SLC22A25: variants seen among roughly 807,000 people sequenced by gnomAD.
SLC22A25 encodes solute carrier family 22 member 25, also known as MGI:2442751, MGI:2385316, MGI:3042283, MGI:3645714, MGI:3605624, MGI:2442750.
A neutral mutation model predicts 45.9 loss-of-function variants in SLC22A25; 44 were observed. That is an observed-to-expected ratio of 0.96 (90% CI 0.75 to 1.23). The LOEUF is 1.23. SLC22A25 is among the 50% of genes most tolerant of loss of function. SLC22A25 has a pLI of 0.00. For missense variants in SLC22A25, 800 were observed against 666.4 expected, an observed-to-expected ratio of 1.20 and a Z score of -2.21; for synonymous variants, 283 against 238.6, an observed-to-expected ratio of 1.19 and a Z score of -1.72.
In SLC22A25 at chr11:63,159,872, A is replaced by C. The variant is rs2087520121; in HGVS notation, c.*3952T>G. The stretch of plus-strand genomic sequence containing the variant: ...GAAGAACTTGTTGGTAACTGGAGTA[A>C]AGGTGACTCTTGCTATATTTTAGTA... On this transcript the variant is annotated 3_prime_UTR_variant, in exon 12 of 12. Transcript: ENST00000306494. Among the ~76,000 whole-genome samples the C allele has an allele frequency of 6.6e-6, 1 of 152,212 alleles. No homozygotes were observed. The highest frequency in any genetic ancestry group is 2.4e-5 in the African/African-American group (1 of 41,466).
chr11:63,243,360 C>T (rs936699172), intron 1 of SLC22A25, 74 bp downstream of exon 1: 6 of 606,182 alleles, frequency 9.9e-6, no homozygotes, highest in African/African-American at 1.8e-5. Context: ...CTCTCAGCCA[C>T]CTGTTAACTA....
At position 63,169,352 on chromosome 11, in the gene SLC22A25, C is replaced by T. The variant is rs147535593; in HGVS notation, c.1071-3094G>A. 3.1e-3 allele frequency among the ~76,000 whole-genome samples: 467 copies of T among 152,200 alleles called. 2 individuals are homozygous for T. The highest frequency in any genetic ancestry group is 0.011 in the African/African-American group (446 of 41,532). On this transcript the variant is annotated intron_variant, in intron 9 of 11. Coordinates refer to ENST00000306494, the MANE Select transcript of SLC22A25 (RefSeq NM_199352.6). ...TTAAATGTAAATGGGCTAAATGCCC[C>T]AATTAAAAGACACAGACTGGCAAAT...
intron 3 of SLC22A25, among the ~76,000 whole-genome samples, chr11:63,236,559 G>A (rs187221722): frequency 3.3e-5 from 5 of 152,234 alleles, no homozygotes; most frequent in East Asian, 1.9e-4. Context: ...TCTTTGACTA[G>A]GAAAGGGAAT....
At chr11:63,186,207 T>G (rs1327089926) in intron 7 of SLC22A25, among the ~76,000 whole-genome samples, 3 of 126,384 alleles carry the variant, frequency 2.4e-5, no homozygotes, top group Non-Finnish European at 5.1e-5. Context: ...CAGCACCTGT[T>G]GTTTCCTGAC....
chr11:63,202,659 C>A (rs561152683), intron 7 of SLC22A25, among the ~76,000 whole-genome samples: 2 of 152,178 alleles, frequency 1.3e-5, no homozygotes, highest in Non-Finnish European at 2.9e-5. Context: ...GCCCCAGTCA[C>A]GGGCTTATAG....
At chr11:63,219,151 A>C (rs1010254975) in intron 5 of SLC22A25, among the ~76,000 whole-genome samples, 6 of 152,224 alleles carry the variant, frequency 3.9e-5, no homozygotes, top group Non-Finnish European at 5.9e-5. Context: ...TAAGTTAATT[A>C]GAATAAATTT....
chr11:63,236,769 G>A (rs1315157162), intron 3 of SLC22A25, among the ~76,000 whole-genome samples: 1 of 152,154 alleles, frequency 6.6e-6, no homozygotes, highest in East Asian at 1.9e-4. Context: ...GCTGTAGACT[G>A]GAGCTGTTTC....
intron 7 of SLC22A25, among the ~76,000 whole-genome samples, chr11:63,185,631 G>A (rs934273401): frequency 2.7e-5 from 4 of 147,190 alleles, no homozygotes; most frequent in African/African-American, 1.0e-4. Context: ...CCATGCTGGT[G>A]CGCTGCACCC....
chr11:63,199,767 C>T (rs2089179076), intron 7 of SLC22A25, among the ~76,000 whole-genome samples: 1 of 152,034 alleles, frequency 6.6e-6, no homozygotes, highest in South Asian at 2.1e-4. Context: ...CCTAAAAAAA[C>T]ACCTGAAGCC....
chr11:63,176,694 A>T (rs977166212), intron 9 of SLC22A25, among the ~76,000 whole-genome samples: 1 of 151,942 alleles, frequency 6.6e-6, no homozygotes. Flanking sequence ...GATGCTTTTA[A>T]TCTGTTTTTC....
chr11:63,238,171 A>G (rs2090193965), intron 2 of SLC22A25, among the ~76,000 whole-genome samples, 159 bp from the exon 3 acceptor site: 1 of 152,142 alleles, frequency 6.6e-6, no homozygotes, highest in African/African-American at 2.4e-5. Flanking sequence ...GACCTTTATC[A>G]TTCAGGTCTC....
intron 7 of SLC22A25, among the ~76,000 whole-genome samples, chr11:63,198,531 G>T (rs2089134286): frequency 6.6e-6 from 1 of 152,098 alleles, no homozygotes; most frequent in South Asian, 2.1e-4. Context: ...GAGAACACTT[G>T]GACACAGAGT....
intron 7 of SLC22A25, among the ~76,000 whole-genome samples, chr11:63,186,836 T>C (rs900404268): frequency 5.3e-5 from 8 of 152,306 alleles, no homozygotes; most frequent in Middle Eastern, 3.4e-3. Context: ...GTCAGGTTTG[T>C]CAAAGATCAG....
rs945925124 is a variant in SLC22A25 at position 63,162,568 on chromosome 11, A to G, written c.*1256T>C. Among the ~76,000 whole-genome samples, 1 of 152,104 alleles carries G rather than the reference A, an allele frequency of 6.6e-6. No homozygotes were observed. The highest frequency in any genetic ancestry group is 2.4e-5 in the African/African-American group (1 of 41,440). On this transcript the variant is annotated 3_prime_UTR_variant, in exon 12 of 12. Coordinates refer to ENST00000306494, the MANE Select transcript of SLC22A25 (RefSeq NM_199352.6). ...TTTTTCCACTTTTTTCATTTTTTACATTGTAATTATTTAAGCAATTACTCT... is the reference window on the plus strand; with the variant it reads ...TTTTTCCACTTTTTTCATTTTTTACGTTGTAATTATTTAAGCAATTACTCT...
Position 63,164,073 on chromosome 11 carries a change from C to T in SLC22A25, c.1395G>A (p.Arg465=), listed in dbSNP as rs903338558. ...TTCCAGTGATTCCAGTAGCTCTTCC[C>T]CTTGGAGTAAAAACAGCAACAGAGG... is the stretch of plus-strand genomic sequence containing the variant. The part of the protein sequence containing the change: ...QENELIPSII[R]GRATGITGNF... Residue 465 remains arginine (R), a splice_region_variant and synonymous_variant, in exon 12 of 12, where the codon AGG becomes AGA. Coordinates refer to ENST00000306494, the MANE Select transcript of SLC22A25 (RefSeq NM_199352.6). 3 of 1,572,402 alleles carry T rather than the reference C, an allele frequency of 1.9e-6. No individual in the cohort carries two copies. Among genetic ancestry groups the T allele is most frequent in the Non-Finnish European group, 2.6e-6 (3 of 1,161,924 alleles).
chr11:63,231,997 T>C (rs565518053), intron 3 of SLC22A25, among the ~76,000 whole-genome samples: 1 of 152,352 alleles, frequency 6.6e-6, no homozygotes, highest in South Asian at 2.1e-4. Context: ...TCTATATCTC[T>C]GTTTTGGTAC....
At chr11:63,202,618 T>C (rs549019846) in intron 7 of SLC22A25, among the ~76,000 whole-genome samples, 1 of 152,340 alleles carries the variant, frequency 6.6e-6, no homozygotes, top group Admixed American at 6.5e-5. Flanking sequence ...TCCTTCTCTC[T>C]GGGCAGGGCA....
At chr11:63,220,098 C>T in intron 5 of SLC22A25, 1 of 967,072 alleles carries the variant, frequency 1.0e-6, no homozygotes, top group Non-Finnish European at 1.4e-6. Context: ...CAATATTGTC[C>T]TTAGATTACT....
chr11:63,203,015 AG>A (rs1167330956), intron 7 of SLC22A25, among the ~76,000 whole-genome samples: 1 of 152,226 alleles, frequency 6.6e-6, no homozygotes, highest in African/African-American at 2.4e-5. Context: ...CCAGGGAAAC[AG>A]GGTCTGGAGT....
Sources: allele counts gnomAD v4.1 joint callset (sites outside exome capture counted in the v4.1 genomes callset), GRCh38; gene constraint gnomAD v4.1.1; transcripts MANE v1.5; gene names NCBI Gene and HGNC (gene_info 2026-07-23, HGNC 2026-07-21).